ERC2: variants seen among roughly 807,000 people sequenced by gnomAD.
ERC2 encodes ERC protein 2.
In ERC2, 42 loss-of-function variants were observed where a neutral mutation model predicts 114.8. The ratio of observed to expected loss-of-function variants is 0.37; its 90% confidence interval spans 0.29 to 0.47. ERC2 has a LOEUF of 0.47. Ranked by LOEUF, ERC2 falls within the 20% of genes least tolerant of loss-of-function variation. The pLI is 0.99. For synonymous variants in ERC2, 454 were observed against 425.5 expected, an observed-to-expected ratio of 1.07 and a Z score of -0.82; for missense variants, 939 against 1,150.7, an observed-to-expected ratio of 0.82 and a Z score of 2.66.
At chr3:56,126,510 C>G (rs1490163480) in intron 6 of ERC2, among the ~76,000 whole-genome samples, 2 of 152,152 alleles carry the variant, frequency 1.3e-5, no homozygotes, top group Admixed American at 1.3e-4. Context: ...ATAAACCCAA[C>G]ACTGTGAGAG....
chr3:56,302,010 AC>A (rs1284823702), intron 2 of ERC2, among the ~76,000 whole-genome samples: 1 of 152,244 alleles, frequency 6.6e-6, no homozygotes, highest in Non-Finnish European at 1.5e-5. Context: ...GACAATAGCA[AC>A]AAAAAACTAT....
intron 16 of ERC2, among the ~76,000 whole-genome samples, chr3:55,691,981 C>T (rs2062694098): frequency 1.3e-5 from 2 of 152,108 alleles, no homozygotes; most frequent in South Asian, 2.1e-4. Flanking sequence ...ACACAGGATG[C>T]TATGTATACA....
intron 2 of ERC2, among the ~76,000 whole-genome samples, chr3:56,354,521 T>G (rs905291588): frequency 2.0e-5 from 3 of 152,132 alleles, no homozygotes; most frequent in African/African-American, 7.2e-5. Context: ...CAGTCCCCCA[T>G]AACAAGGGAT....
intron 6 of ERC2, among the ~76,000 whole-genome samples, chr3:56,107,053 T>C (rs2078702043): frequency 6.6e-6 from 1 of 152,022 alleles, no homozygotes; most frequent in Middle Eastern, 3.2e-3. Context: ...GTTGCAAAGA[T>C]GGGAGGATAT....
At chr3:55,512,252 A>AT (rs755584975) in intron 17 of ERC2, among the ~76,000 whole-genome samples, 1 of 152,234 alleles carries the variant, frequency 6.6e-6, no homozygotes, top group Non-Finnish European at 1.5e-5. Context: ...TGCAAATGAA[A>AT]TATGTGGCTT....
Position 56,126,705 on chromosome 3 carries a change from T to C in ERC2, c.1473+12804A>G, listed in dbSNP as rs934275220. ...AGGAGTTCAAAGCTGCAATGAGCTA[T>C]GATGGTAGTACTGCTCTCCAACCTG... On this transcript the variant is annotated intron_variant, in intron 6 of 17. Transcript: ENST00000288221. Among the ~76,000 whole-genome samples the C allele has an allele frequency of 4.7e-5, 7 of 150,398 alleles. No homozygotes were observed. The Admixed American group carries it at 4.7e-4, about 10-fold the overall frequency.
At chr3:55,829,898 G>GA (rs1354147204) in intron 14 of ERC2, among the ~76,000 whole-genome samples, 2 of 151,944 alleles carry the variant, frequency 1.3e-5, no homozygotes, top group African/African-American at 4.8e-5. Context: ...AATATTTGAA[G>GA]AAAAAATAAT....
intron 14 of ERC2, among the ~76,000 whole-genome samples, chr3:55,859,453 C>T (rs531489788): frequency 6.6e-6 from 1 of 152,192 alleles, no homozygotes; most frequent in East Asian, 1.9e-4. Context: ...GCCACTGGGG[C>T]AGGGGTGTAG....
intron 14 of ERC2, among the ~76,000 whole-genome samples, chr3:55,775,509 C>T (rs537686072): frequency 5.4e-5 from 8 of 148,540 alleles, no homozygotes; most frequent in South Asian, 4.2e-4. Context: ...CCAGCCTGGG[C>T]GACTCTGGCA....
intron 6 of ERC2, among the ~76,000 whole-genome samples, chr3:56,087,619 G>A (rs898379368): frequency 2.0e-5 from 3 of 152,070 alleles, no homozygotes; most frequent in African/African-American, 7.2e-5. Context: ...ACCTGAGGGA[G>A]AAAAAGGGGC....
At chr3:55,997,880 G>GTTGGT (rs2071655455) in intron 10 of ERC2, among the ~76,000 whole-genome samples, 2 of 44,788 alleles carry the variant, frequency 4.5e-5, no homozygotes, top group African/African-American at 8.8e-5. Flanking sequence ...TCTTAATTCT[G>GTTGGT]TTTTTTTTTT....
intron 14 of ERC2, among the ~76,000 whole-genome samples, chr3:55,850,285 A>G (rs975538587): frequency 6.6e-6 from 1 of 152,230 alleles, no homozygotes; most frequent in African/African-American, 2.4e-5. Context: ...CTTATTCTGA[A>G]TAAAGTCCAT....
intron 14 of ERC2, among the ~76,000 whole-genome samples, chr3:55,798,280 G>GA (rs1477243788): frequency 6.6e-6 from 1 of 152,030 alleles, no homozygotes; most frequent in Non-Finnish European, 1.5e-5. Flanking sequence ...GAGCATTAAA[G>GA]AAAAAAGATC....
chr3:56,438,238 G>C (rs1300392560), intron 1 of ERC2, among the ~76,000 whole-genome samples: 1 of 152,152 alleles, frequency 6.6e-6, no homozygotes, highest in African/African-American at 2.4e-5. Context: ...TACTGCATTT[G>C]GGCAATGAGA....
intron 3 of ERC2, among the ~76,000 whole-genome samples, chr3:56,204,942 GTGTGTGTGTGTA>G (rs1313979054): frequency 1.7e-5 from 2 of 117,730 alleles, no homozygotes; most frequent in African/African-American, 2.9e-5. Context: ...GTGTGTGTGT[GTGTGTGTGTGTA>G]TGTCTGTCTG....
At chr3:55,983,550 T>C (rs2149509362) in intron 12 of ERC2, among the ~76,000 whole-genome samples, 1 of 152,168 alleles carries the variant, frequency 6.6e-6, no homozygotes, top group South Asian at 2.1e-4. Context: ...TCCACCTGAA[T>C]TTAAGCATGA....
chr3:55,633,139 C>T (rs2059822555), intron 17 of ERC2, among the ~76,000 whole-genome samples: 1 of 152,124 alleles, frequency 6.6e-6, no homozygotes, highest in Non-Finnish European at 1.5e-5. Flanking sequence ...AGTACTGTGC[C>T]TGACCGATAT....
chr3:56,367,729 C>T (rs538322600), intron 2 of ERC2, among the ~76,000 whole-genome samples: 1 of 152,142 alleles, frequency 6.6e-6, no homozygotes, highest in African/African-American at 2.4e-5. Flanking sequence ...CTTTATCAAG[C>T]TGCAAACATT....
chr3:55,886,751 A>G (rs1477016674), intron 14 of ERC2, among the ~76,000 whole-genome samples: 1 of 152,248 alleles, frequency 6.6e-6, no homozygotes, highest in Non-Finnish European at 1.5e-5. Context: ...AACAACAGTA[A>G]ATATTGGCAA....
Sources: allele counts gnomAD v4.1 joint callset (sites outside exome capture counted in the v4.1 genomes callset), GRCh38; gene constraint gnomAD v4.1.1; transcripts MANE v1.5; gene names NCBI Gene and HGNC (gene_info 2026-07-23, HGNC 2026-07-21).